The following ATOSA variants were observed in gnomAD, a reference collection of about 807,000 sequenced individuals.
ATOSA encodes atos homolog A.
chr15:52,600,180 A>T, the ATOSA span: 4 of 1,612,610 alleles, frequency 2.5e-6, no homozygotes, highest in East Asian at 6.7e-5. Flanking sequence ...CTAGAACTCA[A>T]AAATGGTTTT....
the ATOSA span, chr15:52,611,474 CAT>C: frequency 6.9e-6 from 9 of 1,299,340 alleles, no homozygotes; most frequent in South Asian, 1.0e-4. Flanking sequence ...AATTTTATTA[CAT>C]AGAGGAATTC....
chr15:52,602,468 G>A, the ATOSA span, among the ~76,000 whole-genome samples: 2 of 151,824 alleles, frequency 1.3e-5, no homozygotes, highest in Non-Finnish European at 2.9e-5. Flanking sequence ...GTCATCTTCA[G>A]TAAGACGTAT....
chr15:52,694,455 G>A, the ATOSA span, among the ~76,000 whole-genome samples: 1 of 152,058 alleles, frequency 6.6e-6, no homozygotes, highest in East Asian at 1.9e-4. Flanking sequence ...ATGAGCCACC[G>A]CACCCGGCCT....
the ATOSA span, chr15:52,610,219 T>C: frequency 1.2e-6 from 2 of 1,613,910 alleles, no homozygotes; most frequent in Non-Finnish European, 1.7e-6. Flanking sequence ...AAGGCCAATA[T>C]TAGTGTGAAT....
the ATOSA span, among the ~76,000 whole-genome samples, chr15:52,669,700 GAT>G: frequency 6.6e-6 from 1 of 152,182 alleles, no homozygotes; most frequent in Admixed American, 6.5e-5. Flanking sequence ...TCCCAAAGGG[GAT>G]ATGTTTAAGT....
the ATOSA span, among the ~76,000 whole-genome samples, chr15:52,599,834 A>G: frequency 6.6e-6 from 1 of 152,166 alleles, no homozygotes; most frequent in Admixed American, 6.5e-5. Flanking sequence ...AATTTTACCA[A>G]GTAAGAAGAT....
At chr15:52,596,619 T>G in the ATOSA span, among the ~76,000 whole-genome samples, 1 of 152,190 alleles carries the variant, frequency 6.6e-6, no homozygotes, top group South Asian at 2.1e-4. Flanking sequence ...ATGAAGACAT[T>G]TTTGGTTGCT....
chr15:52,666,859 T>C, the ATOSA span, among the ~76,000 whole-genome samples: 1 of 151,630 alleles, frequency 6.6e-6, no homozygotes, highest in African/African-American at 2.4e-5. Context: ...GTAAGGACTA[T>C]GAAGAGAGTA....
At chr15:52,689,997 AC>A in the ATOSA span, among the ~76,000 whole-genome samples, 1 of 152,216 alleles carries the variant, frequency 6.6e-6, no homozygotes, top group Non-Finnish European at 1.5e-5. Flanking sequence ...GTGAAACTTG[AC>A]TGTATACCTG....
chr15:52,700,155 G>A, the ATOSA span, among the ~76,000 whole-genome samples: 5 of 152,016 alleles, frequency 3.3e-5, no homozygotes, highest in Non-Finnish European at 7.4e-5. Flanking sequence ...TTCTTTACAG[G>A]AACAACTCTA....
the ATOSA span, among the ~76,000 whole-genome samples, chr15:52,676,454 T>C: frequency 4.6e-5 from 7 of 152,140 alleles, no homozygotes; most frequent in Admixed American, 3.3e-4. Flanking sequence ...TGTGAAAAGC[T>C]TATTTCAATA....
chr15:52,677,778 A>G, the ATOSA span, among the ~76,000 whole-genome samples: 8 of 152,224 alleles, frequency 5.3e-5, no homozygotes, highest in African/African-American at 1.9e-4. Flanking sequence ...GAGATACACT[A>G]GAATCTCTCT....
At chr15:52,646,471 G>A in the ATOSA span, among the ~76,000 whole-genome samples, 1 of 152,126 alleles carries the variant, frequency 6.6e-6, no homozygotes, top group Non-Finnish European at 1.5e-5. Context: ...CTGAAGACCT[G>A]AACACCGCAT....
chr15:52,661,548 C>T, the ATOSA span, among the ~76,000 whole-genome samples: 2 of 152,204 alleles, frequency 1.3e-5, no homozygotes, highest in African/African-American at 2.4e-5. Flanking sequence ...TTTCTAGTGA[C>T]AGAGTGATTT....
the ATOSA span, among the ~76,000 whole-genome samples, chr15:52,665,901 A>T: frequency 1.3e-5 from 2 of 152,228 alleles, no homozygotes; most frequent in African/African-American, 4.8e-5. Context: ...ATAAGGGAAG[A>T]ATATTTAATG....
chr15:52,614,906 T>C, the ATOSA span, among the ~76,000 whole-genome samples: 4 of 152,196 alleles, frequency 2.6e-5, no homozygotes, highest in African/African-American at 9.7e-5. Context: ...ACACAAATCA[T>C]CACTAATAGC....
the ATOSA span, among the ~76,000 whole-genome samples, chr15:52,651,025 A>G: frequency 6.6e-6 from 1 of 150,388 alleles, no homozygotes; most frequent in Non-Finnish European, 1.5e-5. Context: ...CAGATCCTAT[A>G]TAAACAAATG....
chr15:52,584,467 T>C, the ATOSA span, among the ~76,000 whole-genome samples: 4 of 152,246 alleles, frequency 2.6e-5, no homozygotes, highest in East Asian at 7.7e-4. Context: ...ATAGTATTCG[T>C]TTAGAAAATG....
the ATOSA span, chr15:52,608,977 G>A: frequency 1.9e-6 from 3 of 1,612,260 alleles, no homozygotes; most frequent in Non-Finnish European, 2.5e-6. Flanking sequence ...TTTGTCAATA[G>A]TGGTGCAATT....
Sources: allele counts gnomAD v4.1 joint callset (sites outside exome capture counted in the v4.1 genomes callset), GRCh38; gene constraint gnomAD v4.1.1; transcripts MANE v1.5; gene names NCBI Gene and HGNC (gene_info 2026-07-23, HGNC 2026-07-21).